RAB38: variants seen among roughly 807,000 people sequenced by gnomAD.
The protein encoded by RAB38 is ras-related protein Rab-38.
RAB38 carries 15 observed loss-of-function variants against 18.4 expected under a neutral mutation model. The ratio of observed to expected loss-of-function variants is 0.82; its 90% confidence interval spans 0.55 to 1.26. RAB38 has a LOEUF of 1.26. Ranked by LOEUF, RAB38 falls within the 50% of genes most tolerant of loss-of-function variation. The probability of loss-of-function intolerance (pLI) is 0.00; values close to 1 mark genes in which losing one functional copy is unlikely to be tolerated. For synonymous variants in RAB38, 101 were observed against 104.4 expected (o/e 0.97, Z 0.20); for missense variants, 294 against 267.4 (o/e 1.10, Z -0.69).
the RAB38 span, among the ~76,000 whole-genome samples, chr11:88,016,539 T>A: frequency 2.6e-5 from 4 of 152,098 alleles, no homozygotes; most frequent in African/African-American, 9.7e-5. Context: ...CAGCTAAAGA[T>A]CCATCTTGCT....
chr11:88,036,993 CA>C, the RAB38 span, among the ~76,000 whole-genome samples: 671 of 152,104 alleles, frequency 4.4e-3, 36 homozygotes, highest in East Asian at 0.11. Flanking sequence ...ATCAATATTA[CA>C]TTTATTTCAA....
the RAB38 span, among the ~76,000 whole-genome samples, chr11:88,067,817 A>G: frequency 6.6e-6 from 1 of 151,972 alleles, no homozygotes; most frequent in African/African-American, 2.4e-5. Context: ...TAAAATCTAG[A>G]TGATGGGTTG....
chr11:88,162,744 G>T (rs1305375635), intron 1 of RAB38, among the ~76,000 whole-genome samples: 2 of 152,014 alleles, frequency 1.3e-5, no homozygotes, highest in African/African-American at 4.8e-5. Flanking sequence ...TCCACCCTCT[G>T]ACCTCCTGTG....
At chr11:88,015,011 C>G in the RAB38 span, among the ~76,000 whole-genome samples, 1 of 151,196 alleles carries the variant, frequency 6.6e-6, no homozygotes, top group East Asian at 1.9e-4. Flanking sequence ...AATAATAGAT[C>G]GACCTTAAAA....
chr11:87,956,569 C>T, the RAB38 span, among the ~76,000 whole-genome samples: 53 of 152,172 alleles, frequency 3.5e-4, no homozygotes, highest in African/African-American at 8.7e-4. Flanking sequence ...TTAACCCCTA[C>T]GTGTCCAACC....
chr11:87,929,977 G>C, the RAB38 span, among the ~76,000 whole-genome samples: 1 of 152,082 alleles, frequency 6.6e-6, no homozygotes, highest in Non-Finnish European at 1.5e-5. Flanking sequence ...TTGGACATTT[G>C]GCTAGGTTCC....
chr11:88,141,465 C>T (rs866649731), intron 2 of RAB38, among the ~76,000 whole-genome samples: 1 of 152,246 alleles, frequency 6.6e-6, no homozygotes, highest in Middle Eastern at 3.4e-3. Flanking sequence ...AAACCCTACG[C>T]CTTATATTAG....
At chr11:87,822,895 C>T in the RAB38 span, among the ~76,000 whole-genome samples, 1 of 151,944 alleles carries the variant, frequency 6.6e-6, no homozygotes. Context: ...GAAACTAATG[C>T]AATTATAGTA....
At chr11:87,865,003 C>T in the RAB38 span, among the ~76,000 whole-genome samples, 4 of 151,638 alleles carry the variant, frequency 2.6e-5, no homozygotes, top group Non-Finnish European at 4.4e-5. Flanking sequence ...CTACGCTTTG[C>T]GATTTGTTTG....
intron 2 of RAB38, 27 bp downstream of exon 2, chr11:88,149,648 T>A (rs756747428): frequency 1.3e-6 from 2 of 1,585,646 alleles, no homozygotes; most frequent in African/African-American, 2.7e-5. Flanking sequence ...TTGCTTATAT[T>A]AAGCTTATTA....
At chr11:87,973,819 G>A in the RAB38 span, among the ~76,000 whole-genome samples, 3 of 151,948 alleles carry the variant, frequency 2.0e-5, no homozygotes, top group Non-Finnish European at 1.5e-5. Context: ...AGGTTAGAGT[G>A]AAGAAGTCTT....
chr11:88,106,820 G>C, the RAB38 span, among the ~76,000 whole-genome samples: 3 of 151,902 alleles, frequency 2.0e-5, no homozygotes, highest in African/African-American at 7.3e-5. Flanking sequence ...TTCCAATATT[G>C]GGAAATTTTC....
the RAB38 span, among the ~76,000 whole-genome samples, chr11:87,912,441 A>G: frequency 1.3e-5 from 2 of 151,994 alleles, no homozygotes; most frequent in Non-Finnish European, 2.9e-5. Context: ...TGTGTCTCAA[A>G]GGACTAGTCC....
chr11:87,808,571 T>C, the RAB38 span, among the ~76,000 whole-genome samples: 1 of 152,170 alleles, frequency 6.6e-6, no homozygotes, highest in East Asian at 1.9e-4. Context: ...GGGAAGATGT[T>C]ACTCAAAGAT....
chr11:87,836,688 T>C, the RAB38 span, among the ~76,000 whole-genome samples: 1 of 152,176 alleles, frequency 6.6e-6, no homozygotes, highest in Non-Finnish European at 1.5e-5. Flanking sequence ...GCCTTCAGGA[T>C]AAAGCACAGG....
At chr11:88,059,941 T>C in the RAB38 span, among the ~76,000 whole-genome samples, 7 of 152,232 alleles carry the variant, frequency 4.6e-5, no homozygotes, top group Non-Finnish European at 7.3e-5. Flanking sequence ...TTGGAGGCTC[T>C]AGACTCTTTA....
At chr11:88,084,650 ACT>A in the RAB38 span, among the ~76,000 whole-genome samples, 1 of 150,938 alleles carries the variant, frequency 6.6e-6, no homozygotes, top group Admixed American at 6.6e-5. Flanking sequence ...TCCTTCTCTG[ACT>A]CTTTTTCTTC....
chr11:87,973,864 G>A, the RAB38 span, among the ~76,000 whole-genome samples: 1 of 151,890 alleles, frequency 6.6e-6, no homozygotes, highest in Non-Finnish European at 1.5e-5. Flanking sequence ...GAGATCTCAG[G>A]AAGGCTCCAC....
intron 1 of RAB38, among the ~76,000 whole-genome samples, chr11:88,156,435 G>A (rs1426308046): frequency 6.6e-6 from 1 of 152,206 alleles, no homozygotes; most frequent in Non-Finnish European, 1.5e-5. Context: ...TGGGTGCAGT[G>A]GCTCATGCCT....
Sources: allele counts gnomAD v4.1 joint callset (sites outside exome capture counted in the v4.1 genomes callset), GRCh38; gene constraint gnomAD v4.1.1; transcripts MANE v1.5; gene names NCBI Gene and HGNC (gene_info 2026-07-23, HGNC 2026-07-21).